SAMSN1: variants seen among roughly 807,000 people sequenced by gnomAD.
SAMSN1 encodes SAM domain-containing protein SAMSN-1.
In SAMSN1, 31 loss-of-function variants were observed where a neutral mutation model predicts 42.0. The observed-to-expected ratio is 0.74, with a 90% CI of 0.55 to 1.00. The LOEUF is 1.00. Ranked by LOEUF, SAMSN1 falls within the 50% of genes least tolerant of loss-of-function variation. SAMSN1 has a pLI of 0.00. For synonymous variants in SAMSN1, 178 were observed against 151.9 expected (o/e 1.17, Z -1.26); for missense variants, 464 against 439.4 (o/e 1.06, Z -0.50).
chr21:14,614,515 A>T (rs560524233), intron 3 of SAMSN1, among the ~76,000 whole-genome samples: 1 of 151,868 alleles, frequency 6.6e-6, no homozygotes, highest in South Asian at 2.1e-4. Flanking sequence ...TTACAGCTTA[A>T]GTGTTTCCCA....
At chr21:14,492,177 T>C (rs1217694940) in intron 7 of SAMSN1, among the ~76,000 whole-genome samples, 1 of 152,234 alleles carries the variant, frequency 6.6e-6, no homozygotes, top group Non-Finnish European at 1.5e-5. Flanking sequence ...AGAACTGGAA[T>C]TTCTGGATAC....
intron 2 of SAMSN1, among the ~76,000 whole-genome samples, chr21:14,562,199 A>C (rs1271222606): frequency 6.6e-6 from 1 of 152,268 alleles, no homozygotes; most frequent in South Asian, 2.1e-4. Context: ...ATGTGGTTAG[A>C]TAAAAGGCAC....
chr21:14,569,089 A>C (rs1981206310), intron 2 of SAMSN1, among the ~76,000 whole-genome samples: 1 of 151,948 alleles, frequency 6.6e-6, no homozygotes, highest in Non-Finnish European at 1.5e-5. Flanking sequence ...CCAGGAGTTC[A>C]AGACCAGCCT....
chr21:14,623,826 C>A (rs933838089), intron 2 of SAMSN1, among the ~76,000 whole-genome samples: 1 of 152,144 alleles, frequency 6.6e-6, no homozygotes, highest in Admixed American at 6.5e-5. Flanking sequence ...AATATACATT[C>A]TTTTCAGCAC....
At chr21:14,505,049 T>G (rs1568771871) in intron 5 of SAMSN1, among the ~76,000 whole-genome samples, 1 of 152,148 alleles carries the variant, frequency 6.6e-6, no homozygotes, top group Non-Finnish European at 1.5e-5. Context: ...AAACAAATGT[T>G]GAGAGAATTT....
At chr21:14,624,487 T>C (rs1017730278) in intron 2 of SAMSN1, among the ~76,000 whole-genome samples, 1 of 152,158 alleles carries the variant, frequency 6.6e-6, no homozygotes, top group Non-Finnish European at 1.5e-5. Context: ...CATCAGAGAA[T>C]ACTATAAACA....
chr21:14,532,966 TG>T (rs1979362072), intron 1 of SAMSN1, among the ~76,000 whole-genome samples: 1 of 152,068 alleles, frequency 6.6e-6, no homozygotes, highest in Non-Finnish European at 1.5e-5. Context: ...AAGACTGGAG[TG>T]CGGTGATGTG....
rs75726119 is a variant in SAMSN1 at position 14,563,853 on chromosome 21, G to A, written c.261+18283C>T. ...TGCCCCGTGTCAGCAATTGACATAT[G>A]TGTCAGCATAAGTAGTGGTAGAATA... On this transcript the variant is annotated intron_variant, in intron 2 of 8. Transcript: ENST00000285670. 9.5e-3 allele frequency among the ~76,000 whole-genome samples: 1,448 copies of A among 152,282 alleles called. 16 individuals carry two copies. Among genetic ancestry groups the A allele is most frequent in the African/African-American group, 0.032 (1,327 of 41,562 alleles).
Position 14,532,437 on chromosome 21 carries a change from C to G in SAMSN1, c.58-11216G>C, listed in dbSNP as rs149657124. On this transcript the variant is annotated intron_variant, in intron 1 of 7. Coordinates refer to ENST00000400566, the MANE Select transcript of SAMSN1 (RefSeq NM_022136.5). ...GGGTGGGAAAATAAAACAGTAAGTT[C>G]ATGTTAGGAAGTTTGGAAGAGATGT... Among the ~76,000 whole-genome samples, 4 of 152,250 alleles carry G rather than the reference C, an allele frequency of 2.6e-5. No individual in the cohort carries two copies. The East Asian group carries it at 7.7e-4, about 29-fold the overall frequency.
chr21:14,486,110 A>C lies in SAMSN1; in HGVS notation c.924T>G (p.Ile308Met). ...AAENFLEEEI[I>M]QEQENEPEPL... ...GCTCAGGTTCATTTTCTTGCTCTTG[A>C]ATAACTGTAAATGGAAAAAAAGGGC... is the stretch of plus-strand genomic sequence containing the variant. The change falls in exon 8 of 8, where the codon ATT becomes ATG. Residue 308 changes from isoleucine to methionine, a missense_variant. By Grantham distance (10) the Ile-to-Met change is conservative (BLOSUM62 1). Transcript: ENST00000400566. 1 of 1,611,540 alleles carries C rather than the reference A, an allele frequency of 6.2e-7. No individual in the cohort carries two copies. The highest frequency in any genetic ancestry group is 8.5e-7 in the Non-Finnish European group (1 of 1,178,210).
Position 14,580,156 on chromosome 21 carries a change from G to A in SAMSN1, c.261+1980C>T, listed in dbSNP as rs367616866. ...ATGATGGGATGGGTTCTAACAGAGA[G>A]AATTCACATATCAGGCAGAGGCCAT... On this transcript the variant is annotated intron_variant, in intron 2 of 8. Transcript: ENST00000285670. Among the ~76,000 whole-genome samples the A allele has an allele frequency of 1.8e-3, 269 of 148,402 alleles. 1 individual carries two copies. Among genetic ancestry groups the A allele is most frequent in the African/African-American group, 6.3e-3 (257 of 40,696 alleles).
intron 2 of SAMSN1, among the ~76,000 whole-genome samples, chr21:14,634,077 T>C (rs940912972): frequency 2.0e-5 from 3 of 152,002 alleles, no homozygotes; most frequent in Non-Finnish European, 4.4e-5. Flanking sequence ...ATCCCTATTT[T>C]ACAAACGGTG....
intron 1 of SAMSN1, among the ~76,000 whole-genome samples, chr21:14,542,348 T>C (rs1980099270): frequency 6.6e-6 from 1 of 152,214 alleles, no homozygotes; most frequent in Non-Finnish European, 1.5e-5. Flanking sequence ...TTGACCTTCC[T>C]TATGCCTTAG....
At chr21:14,618,071 G>C (rs1025465569) in intron 2 of SAMSN1, among the ~76,000 whole-genome samples, 12 of 152,108 alleles carry the variant, frequency 7.9e-5, no homozygotes, top group African/African-American at 2.9e-4. Context: ...ATAGAGATTG[G>C]TTACTTTTAC....
intron 6 of SAMSN1, among the ~76,000 whole-genome samples, chr21:14,601,763 CAG>C (rs1982437674): frequency 1.3e-5 from 2 of 152,086 alleles, no homozygotes; most frequent in Admixed American, 1.3e-4. Context: ...TTAATATTCC[CAG>C]AGTTACTTAT....
intron 2 of SAMSN1, among the ~76,000 whole-genome samples, chr21:14,626,676 G>T (rs1274562117): frequency 2.0e-5 from 3 of 152,216 alleles, no homozygotes; most frequent in African/African-American, 7.2e-5. Context: ...TACACTGTTG[G>T]TGGGACTGTA....
At chr21:14,593,240 A>C (rs1323536500) in intron 7 of SAMSN1, among the ~76,000 whole-genome samples, 6 of 152,190 alleles carry the variant, frequency 3.9e-5, no homozygotes, top group African/African-American at 1.4e-4. Flanking sequence ...ATTTACTAAG[A>C]GTAGTTATTT....
intron 2 of SAMSN1, among the ~76,000 whole-genome samples, chr21:14,637,868 T>G (rs1047462104): frequency 6.6e-6 from 1 of 152,198 alleles, no homozygotes; most frequent in Non-Finnish European, 1.5e-5. Flanking sequence ...GATAGCCACC[T>G]TCTGAAAGCC....
intron 2 of SAMSN1, chr21:14,582,118 C>G (rs549960012): frequency 6.6e-7 from 1 of 1,525,576 alleles, no homozygotes; most frequent in Non-Finnish European, 8.8e-7. Context: ...GACACATTTC[C>G]GTAGTCTGCA....
Sources: allele counts gnomAD v4.1 joint callset (sites outside exome capture counted in the v4.1 genomes callset), GRCh38; gene constraint gnomAD v4.1.1; transcripts MANE v1.5; gene names NCBI Gene and HGNC (gene_info 2026-07-23, HGNC 2026-07-21).